COL12A1: variants seen among roughly 807,000 people sequenced by gnomAD.
COL12A1 encodes collagen type XII alpha 1 chain.
In COL12A1, 114 loss-of-function variants were observed where a neutral mutation model predicts 349.7. The observed-to-expected ratio is 0.33, with a 90% CI of 0.28 to 0.38. The LOEUF is 0.38. Among genes scored for constraint, COL12A1 ranks in the 10% least tolerant of loss-of-function variants. The pLI is 1.00. For synonymous variants in COL12A1, 1,369 were observed against 1,329.0 expected (o/e 1.03, Z -0.66); for missense variants, 3,284 against 3,756.9 (o/e 0.87, Z 3.29).
chr6:75,088,195 G>GC (rs1248653593), intron 64 of COL12A1, among the ~76,000 whole-genome samples: 1 of 152,198 alleles, frequency 6.6e-6, no homozygotes, highest in Non-Finnish European at 1.5e-5. Flanking sequence ...GAAAGATTTA[G>GC]CCATAGGGCT....
At chr6:75,176,702 T>C (rs1010676928) in intron 12 of COL12A1, among the ~76,000 whole-genome samples, 2 of 152,218 alleles carry the variant, frequency 1.3e-5, no homozygotes, top group Non-Finnish European at 2.9e-5. Flanking sequence ...GCTGAGATGA[T>C]GATAATAATA....
chr6:75,089,722 C>A (rs1364105419), intron 63 of COL12A1, among the ~76,000 whole-genome samples: 1 of 152,132 alleles, frequency 6.6e-6, no homozygotes, highest in Non-Finnish European at 1.5e-5. Flanking sequence ...CAGTGCCAGA[C>A]CCTGAATAAA....
At chr6:75,155,920 T>C in intron 15 of COL12A1, 66 bp from the exon 16 acceptor site, 1 of 1,475,006 alleles carries the variant, frequency 6.8e-7, no homozygotes, top group Non-Finnish European at 9.1e-7. Flanking sequence ...TCTTTTTTAT[T>C]AGCCCCACAA....
At chr6:75,147,272 C>T (rs1767246002) in intron 23 of COL12A1, among the ~76,000 whole-genome samples, 2 of 152,230 alleles carry the variant, frequency 1.3e-5, no homozygotes, top group African/African-American at 2.4e-5. Flanking sequence ...TCATATCTTA[C>T]TCCTGATGTG....
Position 75,138,811 on chromosome 6 carries a change from G to T in COL12A1, c.5097+11C>A, listed in dbSNP as rs1303824414. 1.9e-6 allele frequency: 3 copies of T among 1,613,552 alleles called. No individual in the cohort carries two copies. The highest frequency in any genetic ancestry group is 2.5e-6 in the Non-Finnish European group (3 of 1,179,850). ...TGAAAGACAGAGAGAAAGATAAAGA[G>T]AGTTAACTACCTCCATCTTATCTGA... On this transcript the variant is annotated intron_variant, in intron 28 of 65. Coordinates refer to ENST00000322507, the MANE Select transcript of COL12A1 (RefSeq NM_004370.6).
In COL12A1 at chr6:75,151,903, T is replaced by C; in HGVS notation, c.3964A>G (p.Lys1322Glu). 1 of 1,613,854 alleles carries C rather than the reference T, an allele frequency of 6.2e-7. No homozygotes were observed. Among genetic ancestry groups the C allele is most frequent in the South Asian group, 1.1e-5 (1 of 91,080 alleles). Residue 1322 changes from lysine to glutamate, a missense_variant, in exon 20 of 66, where the codon AAA (lysine) becomes GAA (glutamate). Lys to Glu is a moderately conservative substitution (Grantham distance 56). Transcript: ENST00000322507. ...SQDDVEAPSKKLKDEGVELFA... is the reference protein window; with the variant it reads ...SQDDVEAPSKELKDEGVELFA... ...AGCTCCACTCCCTCATCCTTGAGTTTCTTTGAAGGTGCTTCAACATCGTCT... is the reference window on the plus strand; with the variant it reads ...AGCTCCACTCCCTCATCCTTGAGTTCCTTTGAAGGTGCTTCAACATCGTCT...
intron 8 of COL12A1, 112 bp downstream of exon 8, chr6:75,188,250 G>T: frequency 2.6e-6 from 3 of 1,164,546 alleles, no homozygotes; most frequent in Non-Finnish European, 3.6e-6. Context: ...GTATACAATT[G>T]TAGAATCACT....
chr6:75,155,623 T>C, intron 16 of COL12A1, 39 bp downstream of exon 16: 3 of 1,569,984 alleles, frequency 1.9e-6, no homozygotes, highest in Non-Finnish European at 2.6e-6. Context: ...TGTAAACAAA[T>C]TAATTTCATC....
In COL12A1 at chr6:75,202,750, C is replaced by A. The variant is rs1453508139; in HGVS notation, c.43G>T (p.Ala15Ser). Residue 15 changes from alanine (A) to serine (S), a missense_variant, in exon 2 of 66, where the codon GCC becomes TCC. Ala to Ser is a moderately conservative substitution (Grantham distance 99). Transcript: ENST00000322507. ...GCCTCAATGGAAGACAGGAGCAGGGCCGCGCCCAGGGCGGCAAGCGCTGGG... is the reference window on the plus strand; with the variant it reads ...GCCTCAATGGAAGACAGGAGCAGGGACGCGCCCAGGGCGGCAAGCGCTGGG... ...LPPALAALGA[A>S]LLLSSIEAEV... 4.3e-5 allele frequency: 67 copies of A among 1,551,812 alleles called. No individual in the cohort carries two copies. Among genetic ancestry groups the A allele is most frequent in the Non-Finnish European group, 5.7e-5 (65 of 1,147,070 alleles).
At position 75,181,514 on chromosome 6, in the gene COL12A1, C is replaced by T. The variant is rs73747440; in HGVS notation, c.1892-303G>A. ...TCTTAAAGCAGTCGTAATAGAATGGCCTTGCCCATAATTGGAATATTTAAA... is the reference window on the plus strand; with the variant it reads ...TCTTAAAGCAGTCGTAATAGAATGGTCTTGCCCATAATTGGAATATTTAAA... On this transcript the variant is annotated intron_variant, in intron 10 of 65. Transcript: ENST00000322507. Among the ~76,000 whole-genome samples, 2,426 of 152,224 alleles carry T rather than the reference C, an allele frequency of 0.016. 57 individuals carry two copies. The highest frequency in any genetic ancestry group is 0.056 in the African/African-American group (2,314 of 41,524).
chr6:75,140,451 T>C (rs1020934329), intron 27 of COL12A1, among the ~76,000 whole-genome samples: 1 of 151,924 alleles, frequency 6.6e-6, no homozygotes, highest in Non-Finnish European at 1.5e-5. Context: ...GGTCAGGAGA[T>C]CCAGACCATC....
At chr6:75,100,521 A>G (rs940715502) in intron 58 of COL12A1, among the ~76,000 whole-genome samples, 23 of 152,208 alleles carry the variant, frequency 1.5e-4, no homozygotes, top group Non-Finnish European at 2.9e-4. Context: ...CAAAAGAGTC[A>G]GAAGATGTGT....
chr6:75,087,252 C>G (rs902188720), intron 65 of COL12A1: 5 of 344,396 alleles, frequency 1.5e-5, no homozygotes, highest in African/African-American at 2.4e-5. Context: ...TTGTATTTAA[C>G]AAATCCCTGT....
intron 5 of COL12A1, among the ~76,000 whole-genome samples, chr6:75,191,291 A>G (rs1193171474): frequency 2.0e-5 from 3 of 152,014 alleles, no homozygotes; most frequent in Non-Finnish European, 4.4e-5. Context: ...TACTTTGAAC[A>G]CTAGCTGAGG....
chr6:75,182,830 T>A (rs1769382111), intron 10 of COL12A1, among the ~76,000 whole-genome samples: 1 of 152,174 alleles, frequency 6.6e-6, no homozygotes, highest in South Asian at 2.1e-4. Flanking sequence ...CTCATGACTC[T>A]TGTAACTAAA....
At chr6:75,104,789 G>A (rs1035998828) in intron 54 of COL12A1, among the ~76,000 whole-genome samples, 1 of 152,142 alleles carries the variant, frequency 6.6e-6, no homozygotes, top group African/African-American at 2.4e-5. Context: ...TGATATGTCT[G>A]CTACATAAGA....
intron 60 of COL12A1, among the ~76,000 whole-genome samples, chr6:75,094,481 A>C (rs561064703): frequency 2.0e-5 from 3 of 152,204 alleles, no homozygotes; most frequent in Non-Finnish European, 4.4e-5. Flanking sequence ...CTTCAAATTC[A>C]GTTTTGGAGA....
intron 12 of COL12A1, among the ~76,000 whole-genome samples, chr6:75,175,854 C>A (rs1295484473): frequency 6.6e-6 from 1 of 152,206 alleles, no homozygotes; most frequent in African/African-American, 2.4e-5. Flanking sequence ...GGGTACAAAT[C>A]CCGAGGGACC....
rs9352191 is a variant in COL12A1, at chr6:75,090,618, A to C, written c.8753-320T>G. Among the ~76,000 whole-genome samples, 1,751 of 152,202 alleles carry C rather than the reference A, an allele frequency of 0.012. 46 individuals are homozygous for C. Among genetic ancestry groups the C allele is most frequent in the East Asian group, 0.097 (501 of 5,172 alleles). ...ACCAGGTGACATCACTCAAAAGAAA[A>C]CCTTTTTTATAATTAGATAATTCTA... On this transcript the variant is annotated intron_variant, in intron 62 of 65. Coordinates refer to ENST00000322507, the MANE Select transcript of COL12A1 (RefSeq NM_004370.6). This position sits in a 1 kb window ranked among gnomAD's most constrained non-coding sequence, Gnocchi z 4.1.
Sources: gnomAD v4.1 joint callset for allele counts (sites outside exome capture counted in the v4.1 genomes callset) on GRCh38, gnomAD v4.1.1 for gene constraint, Gnocchi (gnomAD v3.1) non-coding constraint, MANE v1.5 for transcripts, NCBI Gene and HGNC (gene_info 2026-07-23, HGNC 2026-07-21) for gene names.